Variants in POPDC1 observed in about 807,000 individuals in gnomAD.
POPDC1 encodes popeye domain-containing protein 1.
chr6:105,132,521 A>G, the POPDC1 span, among the ~76,000 whole-genome samples: 1 of 152,070 alleles, frequency 6.6e-6, no homozygotes, highest in Admixed American at 6.6e-5. Context: ...CCATACTGGG[A>G]TTGCCCATCT....
At chr6:105,126,123 G>A in the POPDC1 span, among the ~76,000 whole-genome samples, 8 of 151,994 alleles carry the variant, frequency 5.3e-5, no homozygotes, top group Non-Finnish European at 1.2e-4. Flanking sequence ...CTACTCAGGA[G>A]GCTGAGGCTG....
At chr6:105,125,483 A>C in the POPDC1 span, 1 of 1,614,152 alleles carries the variant, frequency 6.2e-7, no homozygotes, top group Non-Finnish European at 8.5e-7. Context: ...GGATCATGCA[A>C]AACTGTCCAG....
the POPDC1 span, chr6:105,101,284 T>G: frequency 3.5e-6 from 5 of 1,411,760 alleles, no homozygotes; most frequent in African/African-American, 7.3e-5. Context: ...ATATATCAAT[T>G]ATAAATTCCA....
the POPDC1 span, among the ~76,000 whole-genome samples, chr6:105,119,754 G>GTTAACTT: frequency 6.6e-6 from 1 of 152,218 alleles, no homozygotes; most frequent in African/African-American, 2.4e-5. Context: ...ACATAAGGCT[G>GTTAACTT]TTAACTTTTC....
the POPDC1 span, among the ~76,000 whole-genome samples, chr6:105,118,432 C>G: frequency 6.6e-6 from 1 of 152,200 alleles, no homozygotes; most frequent in Admixed American, 6.5e-5. Flanking sequence ...TTAAGAAATG[C>G]ATCAGCATCT....
the POPDC1 span, among the ~76,000 whole-genome samples, chr6:105,109,695 C>T: frequency 2.2e-5 from 3 of 136,372 alleles, no homozygotes; most frequent in Non-Finnish European, 3.1e-5. Context: ...GCCTGGGAGG[C>T]GGAAGATGCG....
the POPDC1 span, among the ~76,000 whole-genome samples, chr6:105,130,537 A>C: frequency 6.6e-6 from 1 of 152,210 alleles, no homozygotes; most frequent in East Asian, 1.9e-4. Context: ...AGAAATGCTA[A>C]TATCAAGTTG....
the POPDC1 span, chr6:105,129,575 T>A: frequency 1.4e-6 from 2 of 1,465,338 alleles, no homozygotes; most frequent in South Asian, 1.3e-5. Flanking sequence ...AAATTTGATA[T>A]CCTCTATATA....
At chr6:105,133,659 A>G in the POPDC1 span, 38 of 1,073,788 alleles carry the variant, frequency 3.5e-5, no homozygotes, top group South Asian at 3.5e-4. Context: ...CATAGGTATT[A>G]TACCAAAATT....
At chr6:105,116,904 A>G in the POPDC1 span, 5 of 1,581,306 alleles carry the variant, frequency 3.2e-6, no homozygotes, top group Non-Finnish European at 3.4e-6. Context: ...AATAAAGTAC[A>G]TCTATGTATA....
At chr6:105,116,228 A>G in the POPDC1 span, among the ~76,000 whole-genome samples, 2 of 152,212 alleles carry the variant, frequency 1.3e-5, no homozygotes, top group African/African-American at 4.8e-5. Context: ...GATACGGGAA[A>G]ATTAAGATCA....
the POPDC1 span, chr6:105,136,426 C>G: frequency 6.6e-6 from 1 of 152,342 alleles, no homozygotes; most frequent in East Asian, 1.9e-4. Flanking sequence ...TCTCGGGACG[C>G]GGGGGTGAGG....
chr6:105,119,882 T>C, the POPDC1 span, among the ~76,000 whole-genome samples: 9 of 152,342 alleles, frequency 5.9e-5, no homozygotes, highest in Admixed American at 5.9e-4. Context: ...TTTCGACCTG[T>C]TTAAGTTATT....
chr6:105,102,789 C>T, the POPDC1 span, among the ~76,000 whole-genome samples: 1 of 152,108 alleles, frequency 6.6e-6, no homozygotes. Flanking sequence ...TGCCGTACAT[C>T]TGGGGAAATG....
At chr6:105,134,985 C>T in the POPDC1 span, among the ~76,000 whole-genome samples, 2 of 152,130 alleles carry the variant, frequency 1.3e-5, no homozygotes, top group South Asian at 2.1e-4. Context: ...CAAGGCCAAA[C>T]GAGAATGAAT....
At chr6:105,107,959 C>T in the POPDC1 span, among the ~76,000 whole-genome samples, 1 of 152,116 alleles carries the variant, frequency 6.6e-6, no homozygotes, top group Non-Finnish European at 1.5e-5. Context: ...TCCTTTAATA[C>T]ACTCAGCACC....
the POPDC1 span, among the ~76,000 whole-genome samples, chr6:105,113,360 G>A: frequency 5.3e-5 from 8 of 152,086 alleles, no homozygotes; most frequent in African/African-American, 7.2e-5. Flanking sequence ...CCTAACACCC[G>A]CTGTAGTAGA....
the POPDC1 span, among the ~76,000 whole-genome samples, chr6:105,102,855 C>T: frequency 6.6e-6 from 1 of 152,196 alleles, no homozygotes; most frequent in African/African-American, 2.4e-5. Context: ...GACTGTGGTA[C>T]AGCTAATGTA....
At chr6:105,107,967 A>T in the POPDC1 span, among the ~76,000 whole-genome samples, 1 of 152,166 alleles carries the variant, frequency 6.6e-6, no homozygotes, top group African/African-American at 2.4e-5. Context: ...TACACTCAGC[A>T]CCAGCACTGA....
Sources: gnomAD v4.1 joint callset for allele counts (sites outside exome capture counted in the v4.1 genomes callset) on GRCh38, gnomAD v4.1.1 for gene constraint, MANE v1.5 for transcripts, NCBI Gene and HGNC (gene_info 2026-07-23, HGNC 2026-07-21) for gene names.